FOXK1: variants seen among roughly 807,000 people sequenced by gnomAD.
FOXK1 encodes forkhead box protein K1.
A neutral mutation model predicts 51.9 loss-of-function variants in FOXK1; 19 were observed. That is an observed-to-expected ratio of 0.37 (90% confidence interval 0.26 to 0.54). FOXK1 has a LOEUF of 0.54. Among genes scored for constraint, FOXK1 ranks in the 20% least tolerant of loss-of-function variants. The pLI, the probability that FOXK1 is intolerant of heterozygous loss-of-function variation, is 0.87. For synonymous variants in FOXK1, 537 were observed against 482.6 expected (o/e 1.11, Z -1.48); for missense variants, 870 against 1,032.7 (o/e 0.84, Z 2.16).
At chr7:4,684,754 C>G (rs1270171295) in intron 1 of FOXK1, among the ~76,000 whole-genome samples, 1 of 152,190 alleles carries the variant, frequency 6.6e-6, no homozygotes, top group Non-Finnish European at 1.5e-5. Flanking sequence ...TTTCAGGTTT[C>G]CTGCCCCTGC....
At chr7:4,726,099 T>G (rs1780378134) in intron 1 of FOXK1, among the ~76,000 whole-genome samples, 1 of 152,156 alleles carries the variant, frequency 6.6e-6, no homozygotes, top group South Asian at 2.1e-4. Context: ...TCTTGAGCTT[T>G]GCCGCTGTCT....
intron 1 of FOXK1, among the ~76,000 whole-genome samples, chr7:4,684,550 A>C (rs917846876): frequency 6.6e-6 from 1 of 152,122 alleles, no homozygotes; most frequent in Non-Finnish European, 1.5e-5. Flanking sequence ...TCTTTGCCTC[A>C]GATATTAGTG....
chr7:4,754,821 GT>G (rs552430883), intron 3 of FOXK1: 14 of 685,064 alleles, frequency 2.0e-5, no homozygotes, highest in African/African-American at 1.8e-4. Flanking sequence ...TCATTTGCTG[GT>G]GACAGGGGTG....
intron 7 of FOXK1, 167 bp downstream of exon 7, chr7:4,759,762 G>A: frequency 2.3e-6 from 2 of 863,598 alleles, no homozygotes; most frequent in Admixed American, 5.9e-5. Context: ...CTGGGCAGGT[G>A]GCTCATGCTT....
At chr7:4,726,978 T>C (rs1780389035) in intron 1 of FOXK1, among the ~76,000 whole-genome samples, 1 of 152,182 alleles carries the variant, frequency 6.6e-6, no homozygotes, top group Non-Finnish European at 1.5e-5. Flanking sequence ...GGGGTCTTGC[T>C]CTGTCACCCA....
At chr7:4,759,982 A>C in intron 7 of FOXK1, 1 of 235,556 alleles carries the variant, frequency 4.2e-6, no homozygotes, top group Non-Finnish European at 8.2e-6. Flanking sequence ...AGTGAGCTAG[A>C]CTGCGCCACT....
At chr7:4,697,856 G>A (rs768275706) in intron 1 of FOXK1, among the ~76,000 whole-genome samples, 2 of 144,618 alleles carry the variant, frequency 1.4e-5, no homozygotes, top group Non-Finnish European at 3.0e-5. Context: ...ATGGAGTCTC[G>A]CTCTGTCATC....
chr7:4,737,439 C>T (rs10247568), intron 1 of FOXK1, among the ~76,000 whole-genome samples: 47 of 150,052 alleles, frequency 3.1e-4, no homozygotes, highest in African/African-American at 1.1e-3. Context: ...TGTGTGCATG[C>T]GTGTGTGTGC....
At position 4,764,786 on chromosome 7, in the gene FOXK1, T is replaced by C. The variant is rs1238759119; in HGVS notation, c.*2322T>C. On this transcript the variant is annotated 3_prime_UTR_variant, in exon 9 of 9. Coordinates refer to ENST00000328914, the MANE Select transcript of FOXK1 (RefSeq NM_001037165.2). The stretch of plus-strand genomic sequence containing the variant: ...TTGGCCTCCTCAATACAAGCTGATG[T>C]CTGCAGGGAGCGCCGCGTGCTGGGA... 1 of 152,390 alleles carries C rather than the reference T, an allele frequency of 6.6e-6. No individual in the cohort carries two copies. Among genetic ancestry groups the C allele is most frequent in the African/African-American group, 2.4e-5 (1 of 41,456 alleles). The allele number at this position is 152,390 out of a possible 1,614,324, so 9.4% of individuals were successfully genotyped here.
rs1462762349 is a variant in FOXK1, at chr7:4,723,717, G to C, written c.561-17121G>C. On this transcript the variant is annotated intron_variant, in intron 1 of 8. Transcript: ENST00000328914. The surrounding 1 kb of genome is among the most constrained non-coding windows in gnomAD (Gnocchi z 4.7). ...GGGTCTTGCTCTGTCTCCCAGGCTG[G>C]AGTGCAGTGGTGCAATCGTAGCTCA... 6.6e-6 allele frequency among the ~76,000 whole-genome samples: 1 copy of C among 152,148 alleles called. No individual in the cohort carries two copies. The highest frequency in any genetic ancestry group is 1.5e-5 in the Non-Finnish European group (1 of 68,012).
chr7:4,751,274 T>TAATCCCAAAAGCATTGGGATTACC lies in FOXK1; in HGVS notation c.747-3175_747-3152dup, dbSNP rs1331451834. ...GACCTCATGATCCACCCTCCTCGGG[T>TAATCCCAAAAGCATTGGGATTACC]AATCCCAAAAGCATTGGGATTACCA... is the stretch of plus-strand genomic sequence containing the variant. On this transcript the variant is annotated intron_variant, in intron 2 of 8. Coordinates refer to ENST00000328914, the MANE Select transcript of FOXK1 (RefSeq NM_001037165.2). 4.1e-5 allele frequency among the ~76,000 whole-genome samples: 6 copies of TAATCCCAAAAGCATTGGGATTACC among 148,002 alleles called. No individual in the cohort carries two copies. The South Asian group carries it at 8.7e-4, about 21-fold the overall frequency.
chr7:4,724,791 A>C (rs545580810), intron 1 of FOXK1, among the ~76,000 whole-genome samples: 1 of 152,116 alleles, frequency 6.6e-6, no homozygotes, highest in South Asian at 2.1e-4. Flanking sequence ...CAGAGGGGAG[A>C]GAGGAGGGAG....
rs1780999084 is a variant in FOXK1 at position 4,765,525 on chromosome 7, G to C, written c.*3061G>C. ...GACCCGGGCAATGTGCAGGAATGTG[G>C]GGAGCAAAAGTAGCTGATTCCAGCC... On this transcript the variant is annotated 3_prime_UTR_variant, in exon 9 of 9. Coordinates refer to ENST00000328914, the MANE Select transcript of FOXK1 (RefSeq NM_001037165.2). 1 of 152,448 alleles carries C rather than the reference G, an allele frequency of 6.6e-6. No individual in the cohort carries two copies. Among genetic ancestry groups the C allele is most frequent in the Non-Finnish European group, 1.5e-5 (1 of 68,206 alleles). The allele number at this position is 152,448 out of a possible 1,614,324, so 9.4% of individuals were successfully genotyped here.
rs193001077 is a variant in FOXK1, at chr7:4,701,841, G to A, written c.560+18973G>A. ...CTGGGAGGCGGAGTTTGCAGTGAGC[G>A]GAGATCGCGCCACTGCACTCCAGCC... On this transcript the variant is annotated intron_variant, in intron 1 of 8. Transcript: ENST00000328914. 1.9e-3 allele frequency among the ~76,000 whole-genome samples: 290 copies of A among 152,310 alleles called. 1 individual carries two copies. Among genetic ancestry groups the A allele is most frequent in the African/African-American group, 6.7e-3 (278 of 41,580 alleles).
At chr7:4,710,680 G>A (rs938984393) in intron 1 of FOXK1, among the ~76,000 whole-genome samples, 13 of 152,268 alleles carry the variant, frequency 8.5e-5, no homozygotes, top group Non-Finnish European at 2.9e-5. Context: ...GGACCACAAG[G>A]GCATGTTCTT....
rs1289567433 is a variant in FOXK1, at chr7:4,771,194, G to C, written c.*8730G>C. 2 of 152,284 alleles carry C rather than the reference G, an allele frequency of 1.3e-5. No individual in the cohort carries two copies. Among genetic ancestry groups the C allele is most frequent in the Non-Finnish European group, 2.9e-5 (2 of 68,014 alleles). 9.4% of individuals were successfully genotyped at this position (152,284 alleles called of 1,614,324 possible). A position where few individuals can be genotyped will look rare whatever the true frequency, so the allele number is the denominator to read the frequency against. On this transcript the variant is annotated 3_prime_UTR_variant, in exon 9 of 9. Coordinates refer to ENST00000328914, the MANE Select transcript of FOXK1 (RefSeq NM_001037165.2). The stretch of plus-strand genomic sequence containing the variant: ...CAACCTGTGTTTTCATTTCAAGTGG[G>C]ATACAGTATTTTTTTAATAAGGAGC...
intron 1 of FOXK1, among the ~76,000 whole-genome samples, chr7:4,719,403 G>A (rs968860383): frequency 6.6e-6 from 1 of 152,168 alleles, no homozygotes; most frequent in African/African-American, 2.4e-5. Context: ...GCCTCCCAAC[G>A]TGCTGGGATT....
At position 4,753,964 on chromosome 7, in the gene FOXK1, T is replaced by A. The variant is rs1780810523; in HGVS notation, c.747-495T>A. ...TCCAGGAGAGCCACCTGCCACGCCTTCACCCTGCAGGGCGATGGCACCTCC... is the reference window on the plus strand; with the variant it reads ...TCCAGGAGAGCCACCTGCCACGCCTACACCCTGCAGGGCGATGGCACCTCC... On this transcript the variant is annotated intron_variant, in intron 2 of 8. Coordinates refer to ENST00000328914, the MANE Select transcript of FOXK1 (RefSeq NM_001037165.2). The surrounding 1 kb of genome is among the most constrained non-coding windows in gnomAD (Gnocchi z 4.9). 6.6e-6 allele frequency among the ~76,000 whole-genome samples: 1 copy of A among 152,158 alleles called. No homozygotes were observed.
In FOXK1 at chr7:4,756,762, CAAAA is replaced by C. The variant is rs770973811; in HGVS notation, c.1051-221_1051-218del. 2.3e-5 allele frequency among the ~76,000 whole-genome samples: 3 copies of C among 131,238 alleles called. No homozygotes were observed. The highest frequency in any genetic ancestry group is 8.5e-5 in the African/African-American group (3 of 35,492). The allele number at this position is 131,238 out of a possible 152,430, so 86.1% of individuals were successfully genotyped here. A position where few individuals can be genotyped will look rare whatever the true frequency, so the allele number is the denominator to read the frequency against. ...CCTGGGCGACAGAATGAGACTCCGT[CAAAA>C]AAAAAAAAAAGGTAAAATGGTAATT... On this transcript the variant is annotated intron_variant, in intron 4 of 8. Transcript: ENST00000328914. The surrounding 1 kb of genome is among the most constrained non-coding windows in gnomAD (Gnocchi z 4.1).
Sources: allele counts gnomAD v4.1 joint callset (sites outside exome capture counted in the v4.1 genomes callset), GRCh38; gene constraint gnomAD v4.1.1; non-coding constraint Gnocchi (gnomAD v3.1); transcripts MANE v1.5; gene names NCBI Gene and HGNC (gene_info 2026-07-23, HGNC 2026-07-21).